Variants in GNAI1 observed in about 807,000 individuals in gnomAD.
The protein encoded by GNAI1 is G protein subunit alpha i1.
GNAI1 carries 11 observed loss-of-function variants against 38.9 expected under a neutral mutation model. That is an observed-to-expected ratio of 0.28 (90% CI 0.18 to 0.47). The LOEUF (loss-of-function observed/expected upper bound fraction) is 0.47, where lower values mean the gene tolerates loss of function less well. Among genes scored for constraint, GNAI1 ranks in the 20% least tolerant of loss-of-function variants. GNAI1 has a pLI of 0.99. For synonymous variants in GNAI1, 166 were observed against 145.1 expected, an observed-to-expected ratio of 1.14 and a Z score of -1.04; for missense variants, 317 against 436.9, an observed-to-expected ratio of 0.73 and a Z score of 2.45.
intron 1 of GNAI1, among the ~76,000 whole-genome samples, chr7:80,176,266 G>A (rs903199767): frequency 1.3e-5 from 2 of 152,150 alleles, no homozygotes; most frequent in Non-Finnish European, 2.9e-5. Context: ...TACCTCTTCC[G>A]TTCCGTGAAG....
intron 1 of GNAI1, among the ~76,000 whole-genome samples, chr7:80,180,739 T>A (rs1371740057): frequency 6.6e-6 from 1 of 152,168 alleles, no homozygotes; most frequent in African/African-American, 2.4e-5. Flanking sequence ...AGTGATATAT[T>A]TCCTGCTTGG....
chr7:80,165,691 A>G (rs2116141813), intron 1 of GNAI1, among the ~76,000 whole-genome samples: 1 of 152,174 alleles, frequency 6.6e-6, no homozygotes, highest in South Asian at 2.1e-4. Context: ...TAGTTCTTTT[A>G]GTTAACATAT....
chr7:80,157,773 C>G (rs150224011), intron 1 of GNAI1, among the ~76,000 whole-genome samples: 175 of 152,258 alleles, frequency 1.1e-3, no homozygotes, highest in African/African-American at 4.0e-3. Flanking sequence ...GTGGCATGAT[C>G]TTAGCTCACT....
At chr7:80,138,962 A>G (rs1198615017) in intron 1 of GNAI1, among the ~76,000 whole-genome samples, 3 of 152,108 alleles carry the variant, frequency 2.0e-5, no homozygotes, top group African/African-American at 7.2e-5. Context: ...ACTCCTTTTG[A>G]ACTTGCCCTG....
chr7:80,191,347 A>G (rs915936733), intron 3 of GNAI1, among the ~76,000 whole-genome samples: 3 of 152,244 alleles, frequency 2.0e-5, no homozygotes, highest in African/African-American at 7.2e-5. Flanking sequence ...ACAAAAATGG[A>G]AAAAGCGTTG....
chr7:80,138,787 C>T (rs981725928), intron 1 of GNAI1, among the ~76,000 whole-genome samples: 1 of 152,098 alleles, frequency 6.6e-6, no homozygotes, highest in South Asian at 2.1e-4. Flanking sequence ...CGCTCCACTC[C>T]CCCTCATATA....
intron 1 of GNAI1, among the ~76,000 whole-genome samples, chr7:80,136,263 C>G (rs1468371908): frequency 6.6e-6 from 1 of 152,148 alleles, no homozygotes; most frequent in African/African-American, 2.4e-5. Flanking sequence ...ATGTTTTCTT[C>G]TCACACTCTA....
At chr7:80,146,398 AG>A (rs1166847671) in intron 1 of GNAI1, among the ~76,000 whole-genome samples, 1 of 152,170 alleles carries the variant, frequency 6.6e-6, no homozygotes, top group Non-Finnish European at 1.5e-5. Context: ...AGAGAAAAAA[AG>A]CACTTTAATA....
chr7:80,136,440 T>TC (rs1230342972), intron 1 of GNAI1, among the ~76,000 whole-genome samples: 2 of 152,180 alleles, frequency 1.3e-5, no homozygotes, highest in African/African-American at 2.4e-5. Context: ...GGGTTTTTTT[T>TC]CTCCATTACT....
chr7:80,193,565 AT>A (rs1275787713), intron 3 of GNAI1, among the ~76,000 whole-genome samples: 2 of 152,278 alleles, frequency 1.3e-5, no homozygotes, highest in African/African-American at 4.8e-5. Context: ...ATGAAGTAAA[AT>A]TTTAGAAGCT....
chr7:80,190,407 G>A (rs1315158647), intron 3 of GNAI1, among the ~76,000 whole-genome samples: 2 of 151,728 alleles, frequency 1.3e-5, no homozygotes, highest in Non-Finnish European at 2.9e-5. Flanking sequence ...CATTTATTCA[G>A]CAAACTTTTT....
chr7:80,175,846 C>G (rs73708332), intron 1 of GNAI1, among the ~76,000 whole-genome samples: 10,132 of 152,194 alleles, frequency 0.067, 1,153 homozygotes, highest in African/African-American at 0.23. Context: ...CTCCTCAAAC[C>G]TCCCTATTTC....
chr7:80,147,020 G>A (rs745923632), intron 1 of GNAI1, among the ~76,000 whole-genome samples: 6 of 152,086 alleles, frequency 3.9e-5, no homozygotes, highest in African/African-American at 9.7e-5. Context: ...GGAAACATCC[G>A]CTTCCTTAGG....
chr7:80,202,086 T>C (rs1366645924), intron 4 of GNAI1, among the ~76,000 whole-genome samples: 1 of 152,092 alleles, frequency 6.6e-6, no homozygotes, highest in East Asian at 1.9e-4. Flanking sequence ...TTGTTGTTGT[T>C]GTTTCTGGTT....
At position 80,199,359 on chromosome 7, in the gene GNAI1, C is replaced by T. The variant is rs377163171; in HGVS notation, c.438C>T (p.Tyr146=). 3.7e-6 allele frequency: 6 copies of T among 1,609,338 alleles called. No individual in the cohort carries two copies. The African/African-American group carries it at 6.7e-5, about 18-fold the overall frequency. Reference sequence around the variant, plus strand: ...CCTGTTTCAACAGATCCCGAGAGTACCAGCTTAATGATTCTGCAGCATAGT... The same window carrying T: ...CCTGTTTCAACAGATCCCGAGAGTATCAGCTTAATGATTCTGCAGCATAGT... ...VQACFNRSRE[Y]QLNDSAAYYL... The change falls in exon 4 of 8, where the codon TAC becomes TAT. Residue 146 remains tyrosine, a synonymous_variant. Transcript: ENST00000649796.
chr7:80,208,621 CTTTG>C (rs1465699360), intron 5 of GNAI1, among the ~76,000 whole-genome samples: 3 of 152,160 alleles, frequency 2.0e-5, no homozygotes, highest in Non-Finnish European at 2.9e-5. Context: ...ACTCTGAGTT[CTTTG>C]TTTATGACCA....
At position 80,135,133 on chromosome 7, in the gene GNAI1, G is replaced by T; in HGVS notation, c.-28G>T. ...GAGCCCGCACTCGGGCGCGGAGGGAGCGGCGGCAGGCTCTCGCTTTCGGCA... is the reference window on the plus strand; with the variant it reads ...GAGCCCGCACTCGGGCGCGGAGGGATCGGCGGCAGGCTCTCGCTTTCGGCA... On this transcript the variant is annotated 5_prime_UTR_variant, in exon 1 of 8. Coordinates refer to ENST00000649796, the MANE Select transcript of GNAI1 (RefSeq NM_002069.6). 1.4e-6 allele frequency: 2 copies of T among 1,435,306 alleles called. No homozygotes were observed. The highest frequency in any genetic ancestry group is 2.3e-5 in the Admixed American group (1 of 44,206). 88.9% of individuals were successfully genotyped at this position (1,435,306 alleles called of 1,614,324 possible).
At position 80,151,902 on chromosome 7, in the gene GNAI1, A is replaced by T. The variant is rs118064709; in HGVS notation, c.118+16624A>T. Among the ~76,000 whole-genome samples, 7 of 152,318 alleles carry T rather than the reference A, an allele frequency of 4.6e-5. No homozygotes were observed. In the East Asian group the frequency reaches 1.3e-3, roughly 29 times the overall value. ...GCTAGGGGGTGTGATTTGAACTTGT[A>T]TAGGGAGGCATCTGAATTTCAAGTT... On this transcript the variant is annotated intron_variant, in intron 1 of 7. Transcript: ENST00000649796.
intron 1 of GNAI1, among the ~76,000 whole-genome samples, chr7:80,154,925 A>G (rs1003325470): frequency 1.3e-5 from 2 of 152,198 alleles, no homozygotes; most frequent in African/African-American, 2.4e-5. Context: ...AATATTTTTT[A>G]AAGTAGATTC....
Sources: allele counts gnomAD v4.1 joint callset (sites outside exome capture counted in the v4.1 genomes callset), GRCh38; gene constraint gnomAD v4.1.1; transcripts MANE v1.5; gene names NCBI Gene and HGNC (gene_info 2026-07-23, HGNC 2026-07-21).